EPHA3: variants seen among roughly 807,000 people sequenced by gnomAD.
EPHA3 encodes ephrin type-A receptor 3.
A neutral mutation model predicts 107.1 loss-of-function variants in EPHA3; 42 were observed. The ratio of observed to expected loss-of-function variants is 0.39; its 90% CI spans 0.31 to 0.51. The LOEUF is 0.51. Among genes scored for constraint, EPHA3 ranks in the 20% least tolerant of loss-of-function variants. EPHA3 has a pLI of 0.78. For missense variants in EPHA3, 1,183 were observed against 1,211.2 expected (o/e 0.98, Z 0.35); for synonymous variants, 461 against 424.8 (o/e 1.09, Z -1.05).
chr3:89,205,976 A>G (rs1406975308), intron 2 of EPHA3, among the ~76,000 whole-genome samples: 1 of 152,162 alleles, frequency 6.6e-6, no homozygotes, highest in Non-Finnish European at 1.5e-5. Flanking sequence ...AGCAGCTTTA[A>G]TTAATGATTT....
intron 3 of EPHA3, among the ~76,000 whole-genome samples, chr3:89,224,834 G>A (rs1704463606): frequency 6.6e-6 from 1 of 151,656 alleles, no homozygotes; most frequent in African/African-American, 2.4e-5. Flanking sequence ...GGTCAACAGA[G>A]CAAGACTCTG....
intron 9 of EPHA3, 78 bp from the exon 10 acceptor site, chr3:89,413,063 A>G (rs1465734864): frequency 2.5e-6 from 4 of 1,583,874 alleles, no homozygotes; most frequent in Admixed American, 1.7e-5. Context: ...TTTTAAACCA[A>G]TAATGCCATA....
chr3:89,426,423 A>G (rs1709457662), intron 11 of EPHA3, among the ~76,000 whole-genome samples: 1 of 151,806 alleles, frequency 6.6e-6, no homozygotes, highest in Non-Finnish European at 1.5e-5. Flanking sequence ...TACTCTTTGT[A>G]TATTTGATTT....
chr3:89,149,565 A>C (rs1704644047), intron 2 of EPHA3, among the ~76,000 whole-genome samples: 1 of 151,858 alleles, frequency 6.6e-6, no homozygotes, highest in East Asian at 1.9e-4. Context: ...TACATGTGCC[A>C]TGTTGTGTGC....
chr3:89,251,241 CAAGAT>C (rs1184880901), intron 3 of EPHA3, among the ~76,000 whole-genome samples: 1 of 151,606 alleles, frequency 6.6e-6, no homozygotes, highest in East Asian at 1.9e-4. Flanking sequence ...ACTAGAAAAA[CAAGAT>C]AAGAGAAAAA....
At chr3:89,151,566 G>A (rs1211483601) in intron 2 of EPHA3, among the ~76,000 whole-genome samples, 2 of 152,112 alleles carry the variant, frequency 1.3e-5, no homozygotes, top group East Asian at 1.9e-4. Flanking sequence ...GGTGCTTTGC[G>A]GGAGATGCCA....
At chr3:89,114,797 C>T (rs1031864700) in intron 1 of EPHA3, among the ~76,000 whole-genome samples, 2 of 152,228 alleles carry the variant, frequency 1.3e-5, no homozygotes, top group African/African-American at 4.8e-5. Flanking sequence ...CGCGGATCTG[C>T]TGGCACTGGG....
intron 13 of EPHA3, among the ~76,000 whole-genome samples, chr3:89,446,993 TAAG>T (rs2107551020): frequency 6.6e-6 from 1 of 152,260 alleles, no homozygotes; most frequent in South Asian, 2.1e-4. Context: ...TCTGAGTTCT[TAAG>T]AAGGAGAAAG....
chr3:89,369,414 T>G (rs1019531578), intron 5 of EPHA3, among the ~76,000 whole-genome samples: 1 of 150,776 alleles, frequency 6.6e-6, no homozygotes, highest in African/African-American at 2.4e-5. Context: ...ATTCCCTATT[T>G]AATAAATGGT....
chr3:89,223,799 G>T (rs1704439010), intron 3 of EPHA3, among the ~76,000 whole-genome samples: 1 of 151,858 alleles, frequency 6.6e-6, no homozygotes, highest in African/African-American at 2.4e-5. Flanking sequence ...CTAAGAGTAA[G>T]AGTGGAGAGA....
At chr3:89,354,146 C>G (rs558522511) in intron 5 of EPHA3, among the ~76,000 whole-genome samples, 15 of 151,306 alleles carry the variant, frequency 9.9e-5, no homozygotes, top group African/African-American at 3.6e-4. Flanking sequence ...CCAAGGAGAA[C>G]ATTTTTAGTC....
At chr3:89,395,343 ATAT>A (rs1708825999) in intron 5 of EPHA3, among the ~76,000 whole-genome samples, 1 of 152,138 alleles carries the variant, frequency 6.6e-6, no homozygotes, top group Non-Finnish European at 1.5e-5. Flanking sequence ...AATATACTAA[ATAT>A]TATTATTACC....
chr3:89,253,227 T>C (rs1259440287), intron 3 of EPHA3, among the ~76,000 whole-genome samples: 3 of 152,138 alleles, frequency 2.0e-5, no homozygotes, highest in South Asian at 2.1e-4. Flanking sequence ...CTTTTTCCAA[T>C]GACTAACTAT....
intron 2 of EPHA3, among the ~76,000 whole-genome samples, chr3:89,160,544 G>T (rs1704906222): frequency 9.2e-6 from 1 of 109,216 alleles, no homozygotes; most frequent in Non-Finnish European, 1.8e-5. Context: ...AGTAATATTA[G>T]ATTTTGTGTG....
At position 89,219,688 on chromosome 3, in the gene EPHA3, G is replaced by GTGTTTTTTTTTTTTTTTTTTTTTTTTTTT; in HGVS notation, c.814+9169_814+9170insGTTTTTTTTTTTTTTTTTTTTTTTTTTTT. Among the ~76,000 whole-genome samples the GTGTTTTTTTTTTTTTTTTTTTTTTTTTTT allele has an allele frequency of 5.2e-4, 18 of 34,440 alleles. 7 individuals are homozygous for GTGTTTTTTTTTTTTTTTTTTTTTTTTTTT. Among genetic ancestry groups the GTGTTTTTTTTTTTTTTTTTTTTTTTTTTT allele is most frequent in the Non-Finnish European group, 8.4e-4 (16 of 19,128 alleles). 22.6% of individuals were successfully genotyped at this position (34,440 alleles called of 152,430 possible). A position where few individuals can be genotyped will look rare whatever the true frequency, so the allele number is the denominator to read the frequency against. The stretch of plus-strand genomic sequence containing the variant: ...TTACCTCCAAGAGGCATTTGGCAAT[G>GTGTTTTTTTTTTTTTTTTTTTTTTTTTTT]TTTTTTTTTTTTTTGTTTTTTGTTT... On this transcript the variant is annotated intron_variant, in intron 3 of 16. Coordinates refer to ENST00000336596, the MANE Select transcript of EPHA3 (RefSeq NM_005233.6).
intron 16 of EPHA3, among the ~76,000 whole-genome samples, chr3:89,472,890 T>G (rs1295758757): frequency 6.6e-6 from 1 of 152,112 alleles, no homozygotes; most frequent in Non-Finnish European, 1.5e-5. Flanking sequence ...ACCAACAGAT[T>G]CACACCCATA....
At chr3:89,180,336 C>A (rs1487507569) in intron 2 of EPHA3, among the ~76,000 whole-genome samples, 1 of 151,612 alleles carries the variant, frequency 6.6e-6, no homozygotes, top group South Asian at 2.1e-4. Context: ...ACCCACTATA[C>A]CATAAACAGA....
chr3:89,358,360 A>C (rs1708012301), intron 5 of EPHA3, among the ~76,000 whole-genome samples: 2 of 151,238 alleles, frequency 1.3e-5, no homozygotes, highest in East Asian at 1.9e-4. Flanking sequence ...CTAAAAAAAA[A>C]CCCATTTAGA....
At chr3:89,425,635 G>A (rs1327839139) in intron 11 of EPHA3, among the ~76,000 whole-genome samples, 1 of 151,214 alleles carries the variant, frequency 6.6e-6, no homozygotes, top group Admixed American at 6.6e-5. Context: ...TAAACAGTTT[G>A]TTTGAATGAA....
Sources: gnomAD v4.1 joint callset for allele counts (sites outside exome capture counted in the v4.1 genomes callset) on GRCh38, gnomAD v4.1.1 for gene constraint, MANE v1.5 for transcripts, NCBI Gene and HGNC (gene_info 2026-07-23, HGNC 2026-07-21) for gene names.